SPOCK1: variants seen among roughly 807,000 people sequenced by gnomAD.
SPOCK1 encodes the protein testican-1.
In SPOCK1, 23 loss-of-function variants were observed where a neutral mutation model predicts 55.3. The observed-to-expected ratio is 0.42, with a 90% CI of 0.30 to 0.59. SPOCK1 has a LOEUF of 0.59. SPOCK1 is among the 20% of genes least tolerant of loss of function. The pLI is 0.22. For synonymous variants in SPOCK1, 226 were observed against 221.0 expected, an observed-to-expected ratio of 1.02 and a Z score of -0.20; for missense variants, 499 against 552.5, an observed-to-expected ratio of 0.90 and a Z score of 0.97.
intron 2 of SPOCK1, among the ~76,000 whole-genome samples, chr5:137,349,525 A>C (rs1014362024): frequency 1.3e-5 from 2 of 152,228 alleles, no homozygotes; most frequent in Non-Finnish European, 2.9e-5. Flanking sequence ...GAGTAGTCAC[A>C]CAAATGACCA....
intron 3 of SPOCK1, among the ~76,000 whole-genome samples, chr5:137,191,768 G>A (rs1755184661): frequency 6.6e-6 from 1 of 152,166 alleles, no homozygotes; most frequent in Non-Finnish European, 1.5e-5. Flanking sequence ...ACGTTAATGT[G>A]TGGGGAATAA....
chr5:137,392,906 C>T (rs1249944379), intron 2 of SPOCK1, among the ~76,000 whole-genome samples: 1 of 152,102 alleles, frequency 6.6e-6, no homozygotes, highest in Non-Finnish European at 1.5e-5. Flanking sequence ...TGAGGCCCTA[C>T]CCTTATTGTA....
chr5:137,237,997 C>T (rs191405184), intron 3 of SPOCK1, among the ~76,000 whole-genome samples: 2 of 152,236 alleles, frequency 1.3e-5, no homozygotes, highest in East Asian at 1.9e-4. Flanking sequence ...ATATGGACAC[C>T]GGGATGAAGG....
chr5:137,190,248 A>G (rs1755154784), intron 3 of SPOCK1, among the ~76,000 whole-genome samples: 1 of 152,198 alleles, frequency 6.6e-6, no homozygotes, highest in African/African-American at 2.4e-5. Flanking sequence ...GAAACAGCAC[A>G]GCATGCTACA....
intron 2 of SPOCK1, chr5:137,273,428 A>T (rs1757006906): frequency 1.0e-6 from 1 of 957,424 alleles, no homozygotes. Context: ...TAAAAGAATC[A>T]CATCAAACAA....
intron 3 of SPOCK1, among the ~76,000 whole-genome samples, chr5:137,259,866 T>C (rs1461583529): frequency 2.0e-5 from 3 of 152,158 alleles, no homozygotes; most frequent in Admixed American, 6.5e-5. Context: ...TTTTTTCTTT[T>C]TATTCTGAGC....
intron 3 of SPOCK1, among the ~76,000 whole-genome samples, chr5:137,223,121 C>G (rs935143572): frequency 6.6e-6 from 1 of 151,750 alleles, no homozygotes; most frequent in Non-Finnish European, 1.5e-5. Flanking sequence ...AAAAATAAAG[C>G]AGGGAAAGGA....
chr5:137,485,380 A>T (rs1039597148), intron 2 of SPOCK1, among the ~76,000 whole-genome samples: 8 of 152,220 alleles, frequency 5.3e-5, no homozygotes, highest in Non-Finnish European at 1.0e-4. Flanking sequence ...TGGATGTATG[A>T]GCTAGATTAT....
chr5:137,007,555 T>C (rs772857508), intron 6 of SPOCK1, among the ~76,000 whole-genome samples: 4 of 152,186 alleles, frequency 2.6e-5, no homozygotes, highest in Admixed American at 6.5e-5. Flanking sequence ...TCATCACTGG[T>C]CATTAGAGAA....
At chr5:137,127,434 C>T (rs1753799558) in intron 4 of SPOCK1, among the ~76,000 whole-genome samples, 1 of 152,216 alleles carries the variant, frequency 6.6e-6, no homozygotes, top group Non-Finnish European at 1.5e-5. Context: ...CATCAGGGGC[C>T]CAAACCCTGC....
At chr5:137,070,562 G>T (rs1329123896) in intron 5 of SPOCK1, among the ~76,000 whole-genome samples, 1 of 152,114 alleles carries the variant, frequency 6.6e-6, no homozygotes, top group Non-Finnish European at 1.5e-5. Flanking sequence ...CCAGTCCCTG[G>T]GTGCTTACCA....
At chr5:137,030,191 A>T (rs1477788179) in intron 6 of SPOCK1, among the ~76,000 whole-genome samples, 6 of 152,402 alleles carry the variant, frequency 3.9e-5, no homozygotes, top group Non-Finnish European at 2.9e-5. Flanking sequence ...AGAGTGATGG[A>T]TGAAGTAATG....
chr5:137,285,120 G>A (rs1757237615), intron 2 of SPOCK1, among the ~76,000 whole-genome samples: 1 of 152,194 alleles, frequency 6.6e-6, no homozygotes, highest in African/African-American at 2.4e-5. Flanking sequence ...GGGCCCAACA[G>A]CCAAGCGGGT....
intron 2 of SPOCK1, among the ~76,000 whole-genome samples, chr5:137,443,209 T>TGTTA (rs879653934): frequency 1.3e-5 from 2 of 152,170 alleles, no homozygotes; most frequent in Non-Finnish European, 2.9e-5. Flanking sequence ...CCTGCAAGAC[T>TGTTA]GTTGCAGATT....
At chr5:137,215,521 T>A (rs556052475) in intron 3 of SPOCK1, among the ~76,000 whole-genome samples, 18 of 152,334 alleles carry the variant, frequency 1.2e-4, no homozygotes, top group African/African-American at 4.3e-4. Context: ...AATGTAAATT[T>A]TACTGGATGA....
chr5:137,356,838 T>TATATATATAGAGAG (rs1554077335), intron 2 of SPOCK1, among the ~76,000 whole-genome samples: 3 of 5,460 alleles, frequency 5.5e-4, no homozygotes, highest in East Asian at 5.8e-3. Flanking sequence ...TATATATATA[T>TATATATATAGAGAG]AGAGAGAGAG....
chr5:137,087,557 A>T (rs1417460426), intron 5 of SPOCK1, among the ~76,000 whole-genome samples: 23 of 152,246 alleles, frequency 1.5e-4, no homozygotes, highest in Admixed American at 1.5e-3. Context: ...TCTCACTCTC[A>T]AAAATCCTGC....
At chr5:137,011,748 T>C (rs1210003017) in intron 6 of SPOCK1, among the ~76,000 whole-genome samples, 1 of 152,186 alleles carries the variant, frequency 6.6e-6, no homozygotes, top group Non-Finnish European at 1.5e-5. Flanking sequence ...CAAGTCAAAT[T>C]AGAGTACTTG....
intron 2 of SPOCK1, among the ~76,000 whole-genome samples, chr5:137,312,692 C>T (rs739697): frequency 0.22 from 33,950 of 151,992 alleles, 3,957 homozygotes; most frequent in African/African-American, 0.29. Flanking sequence ...AAGCACACAG[C>T]GAGTAGGGTA....
Sources: allele counts gnomAD v4.1 joint callset (sites outside exome capture counted in the v4.1 genomes callset), GRCh38; gene constraint gnomAD v4.1.1; transcripts MANE v1.5; gene names NCBI Gene and HGNC (gene_info 2026-07-23, HGNC 2026-07-21).